The following MYO5A variants were observed in gnomAD, a reference collection of about 807,000 sequenced individuals.
The protein encoded by MYO5A is myosin VA.
A neutral mutation model predicts 249.7 loss-of-function variants in MYO5A; 98 were observed. The ratio of observed to expected loss-of-function variants is 0.39; its 90% CI spans 0.33 to 0.46. MYO5A has a LOEUF of 0.46. Ranked by LOEUF, MYO5A falls within the 20% of genes least tolerant of loss-of-function variation. MYO5A has a pLI of 0.98. For missense variants in MYO5A, 1,696 were observed against 2,308.8 expected (o/e 0.73, Z 5.44); for synonymous variants, 778 against 810.6 (o/e 0.96, Z 0.68).
chr15:52,485,898 T>C (rs28401713), intron 1 of MYO5A, among the ~76,000 whole-genome samples: 2,852 of 152,288 alleles, frequency 0.019, 61 homozygotes, highest in African/African-American at 0.054. Flanking sequence ...AGTAAATCCT[T>C]TAGGCGAATC....
At chr15:52,382,293 A>C (rs7162731) in intron 16 of MYO5A, among the ~76,000 whole-genome samples, 104,882 of 152,164 alleles carry the variant, frequency 0.69, 37,443 homozygotes, top group Admixed American at 0.77. Flanking sequence ...AATTAGAAAA[A>C]TAGGCTGGGC....
chr15:52,378,564 G>C (rs1471473454), intron 18 of MYO5A, among the ~76,000 whole-genome samples: 4 of 83,292 alleles, frequency 4.8e-5, no homozygotes, highest in Non-Finnish European at 1.0e-4. Flanking sequence ...AAAAGCCCCA[G>C]TTAAAAAAAA....
chr15:52,357,937 C>T (rs2040328411), intron 25 of MYO5A, among the ~76,000 whole-genome samples: 1 of 152,204 alleles, frequency 6.6e-6, no homozygotes, highest in African/African-American at 2.4e-5. Flanking sequence ...ATTACCACCA[C>T]TACAGGCCTG....
At chr15:52,336,633 A>G (rs2039132444) in intron 33 of MYO5A, 77 bp from the exon 34 acceptor site, 6 of 1,068,560 alleles carry the variant, frequency 5.6e-6, no homozygotes, top group Non-Finnish European at 8.4e-6. Context: ...AATAGACACA[A>G]TATCACAGAA....
At chr15:52,340,416 C>G (rs181073992) in intron 31 of MYO5A, 22 bp from the exon 32 acceptor site, 3 of 1,607,472 alleles carry the variant, frequency 1.9e-6, no homozygotes, top group Non-Finnish European at 1.7e-6. Flanking sequence ...ACACATGGGT[C>G]GGAAGGGGAG....
rs183888125 is a variant in MYO5A at position 52,309,379 on chromosome 15, C to G, written c.*4317G>C. On this transcript the variant is annotated 3_prime_UTR_variant, in exon 42 of 42. Coordinates refer to ENST00000399233, the MANE Select transcript of MYO5A (RefSeq NM_001382347.1). ...AAAACAAGTAACTTGGTACGCAGCA[C>G]TTGCTCGGTTCCCACATGCCAGCTG... 6.2e-4 allele frequency: 94 copies of G among 152,384 alleles called. No individual in the cohort carries two copies. The highest frequency in any genetic ancestry group is 3.4e-3 in the Middle Eastern group (1 of 296). 9.4% of individuals were successfully genotyped at this position (152,384 alleles called of 1,614,324 possible).
chr15:52,451,133 T>C (rs1464739600), intron 1 of MYO5A, among the ~76,000 whole-genome samples: 1 of 152,010 alleles, frequency 6.6e-6, no homozygotes, highest in African/African-American at 2.4e-5. Context: ...ACAGAACTCT[T>C]CTCCTACCTC....
intron 16 of MYO5A, among the ~76,000 whole-genome samples, chr15:52,381,103 C>T (rs540758094): frequency 2.6e-5 from 4 of 152,286 alleles, no homozygotes; most frequent in African/African-American, 4.8e-5. Context: ...GGTTTCCCTT[C>T]GGCCAAATGA....
At chr15:52,368,208 T>C (rs1352566971) in intron 22 of MYO5A, among the ~76,000 whole-genome samples, 2 of 152,182 alleles carry the variant, frequency 1.3e-5, no homozygotes. Context: ...ATAACTACAC[T>C]GTGCCACACA....
At chr15:52,494,855 G>A (rs1001409315) in intron 1 of MYO5A, among the ~76,000 whole-genome samples, 6 of 152,032 alleles carry the variant, frequency 3.9e-5, no homozygotes, top group Non-Finnish European at 7.4e-5. Flanking sequence ...TAAGGATTCC[G>A]CTGAATTTAT....
chr15:52,371,666 T>C (rs1041947498), intron 21 of MYO5A, among the ~76,000 whole-genome samples: 2 of 152,046 alleles, frequency 1.3e-5, no homozygotes, highest in Non-Finnish European at 1.5e-5. Flanking sequence ...GGCAGGAGGA[T>C]TGCTTGAGGC....
At chr15:52,370,102 C>T in intron 22 of MYO5A, 67 bp downstream of exon 22, 1 of 1,599,986 alleles carries the variant, frequency 6.3e-7, no homozygotes, top group South Asian at 1.1e-5. Context: ...GTCACACGGA[C>T]CAAGTCATGA....
At position 52,399,405 on chromosome 15, in the gene MYO5A, C is replaced by G. The variant is rs150324724; in HGVS notation, c.1054-1939G>C. ...CTCAAACTCCTGGACTCAAGAGATC[C>G]TCCTGCCTCAGTCTCCTAGGATTAC... On this transcript the variant is annotated intron_variant, in intron 9 of 41. Transcript: ENST00000399233. Among the ~76,000 whole-genome samples the G allele has an allele frequency of 5.0e-3, 764 of 152,236 alleles. 6 individuals are homozygous for G. The highest frequency in any genetic ancestry group is 0.017 in the Middle Eastern group (5 of 292).
At chr15:52,512,159 T>C (rs2077404585) in intron 1 of MYO5A, among the ~76,000 whole-genome samples, 1 of 109,316 alleles carries the variant, frequency 9.1e-6, no homozygotes, top group Non-Finnish European at 1.9e-5. Flanking sequence ...CAAGACTGTC[T>C]CAAAAAAAAA....
intron 1 of MYO5A, among the ~76,000 whole-genome samples, chr15:52,527,340 T>C (rs146291787): frequency 6.6e-6 from 1 of 152,376 alleles, no homozygotes; most frequent in East Asian, 1.9e-4. Context: ...GTGTTTAAGT[T>C]ACTTTTAATC....
intron 29 of MYO5A, among the ~76,000 whole-genome samples, chr15:52,348,360 C>G (rs1482138865): frequency 6.6e-6 from 1 of 152,186 alleles, no homozygotes; most frequent in Admixed American, 6.5e-5. Flanking sequence ...AGCCACATTT[C>G]ATTCTAGCTG....
chr15:52,512,701 A>ATTTTGTG lies in MYO5A; in HGVS notation c.27+16078_27+16079insCACAAAA, dbSNP rs1425464963. On this transcript the variant is annotated intron_variant, in intron 1 of 41. Transcript: ENST00000399233. Reference sequence around the variant, plus strand: ...TTTATTTTAAAGGAAAAGAGTTCCCAAGTAATTTTGTGAGTGATTTCCTAT... The same window carrying ATTTTGTG: ...TTTATTTTAAAGGAAAAGAGTTCCCATTTTGTGAGTAATTTTGTGAGTGATTTCCTAT... Among the ~76,000 whole-genome samples, 161 of 152,296 alleles carry ATTTTGTG rather than the reference A, an allele frequency of 1.1e-3. 1 individual carries two copies. Among genetic ancestry groups the ATTTTGTG allele is most frequent in the African/African-American group, 3.8e-3 (159 of 41,576 alleles).
chr15:52,428,330 A>G lies in MYO5A; in HGVS notation c.310+68T>C, dbSNP rs1016248717. Reference sequence around the variant, plus strand: ...CCACAGCCTGCTTTCCCCATGTACAATATTTCTATGGCTATGTCCATTAGA... The same window carrying G: ...CCACAGCCTGCTTTCCCCATGTACAGTATTTCTATGGCTATGTCCATTAGA... On this transcript the variant is annotated intron_variant, in intron 3 of 41. Transcript: ENST00000399233. The G allele has an allele frequency of 1.0e-5, 15 of 1,498,214 alleles. No homozygotes were observed. The African/African-American group carries it at 1.5e-4, about 15-fold the overall frequency. The allele number at this position is 1,498,214 out of a possible 1,614,324, so 92.8% of individuals were successfully genotyped here. A position where few individuals can be genotyped will look rare whatever the true frequency, so the allele number is the denominator to read the frequency against.
intron 1 of MYO5A, among the ~76,000 whole-genome samples, chr15:52,441,929 A>G (rs1024026895): frequency 2.6e-5 from 4 of 152,228 alleles, no homozygotes; most frequent in African/African-American, 9.6e-5. Context: ...AGGGTGGACA[A>G]AAAGAATTAT....
Sources: gnomAD v4.1 joint callset for allele counts (sites outside exome capture counted in the v4.1 genomes callset) on GRCh38, gnomAD v4.1.1 for gene constraint, MANE v1.5 for transcripts, NCBI Gene and HGNC (gene_info 2026-07-23, HGNC 2026-07-21) for gene names.